GRIA3: variants seen among roughly 807,000 people sequenced by gnomAD.
The protein encoded by GRIA3 is glutamate ionotropic receptor AMPA type subunit 3, also known as glutamate receptor 3.
A neutral mutation model predicts 63.0 loss-of-function variants in GRIA3; 3 were observed. The observed-to-expected ratio is 0.05, with a 90% confidence interval of 0.02 to 0.12. The LOEUF is 0.12. Among genes scored for constraint, GRIA3 ranks in the 10% least tolerant of loss-of-function variants. The pLI is 1.00. For missense variants in GRIA3, 347 were observed against 700.9 expected (o/e 0.50, Z 5.70); for synonymous variants, 274 against 257.9 (o/e 1.06, Z -0.60).
At chrX:123,375,130 G>T (rs1356782926) in intron 5 of GRIA3, among the ~76,000 whole-genome samples, 1 of 111,198 alleles carries the variant, frequency 9.0e-6, no homozygotes, top group Non-Finnish European at 1.9e-5. Context: ...AGTTTTTTTA[G>T]GGTCTTTATC....
intron 4 of GRIA3, among the ~76,000 whole-genome samples, chrX:123,346,212 A>G (rs895347973): frequency 1.8e-5 from 2 of 111,834 alleles, no homozygotes; most frequent in Admixed American, 9.5e-5. Flanking sequence ...CAGATAGAAA[A>G]CTGAGGTTGA....
chrX:123,247,098 C>T (rs1340688787), intron 2 of GRIA3, among the ~76,000 whole-genome samples: 4 of 111,718 alleles, frequency 3.6e-5, no homozygotes, highest in African/African-American at 6.5e-5. Flanking sequence ...CCTGGAGAAC[C>T]TTGTTGTGAT....
chrX:123,325,506 T>C (rs1174149637), intron 3 of GRIA3, among the ~76,000 whole-genome samples: 1 of 112,062 alleles, frequency 8.9e-6, no homozygotes, highest in Non-Finnish European at 1.9e-5. Context: ...ATCTTTGTTA[T>C]AGATTGTCTT....
chrX:123,352,166 C>T (rs1242905738), intron 4 of GRIA3, among the ~76,000 whole-genome samples: 3 of 110,837 alleles, frequency 2.7e-5, no homozygotes, highest in Non-Finnish European at 3.8e-5. Context: ...CTGCAACCTC[C>T]GCCTCCCGGG....
At chrX:123,473,387 T>C (rs752290882) in intron 13 of GRIA3, among the ~76,000 whole-genome samples, 34 of 112,176 alleles carry the variant, frequency 3.0e-4, no homozygotes, top group African/African-American at 1.1e-3. Flanking sequence ...AATTCTTTAA[T>C]ACAGCAAATA....
chrX:123,463,786 AAG>A (rs1428430276), intron 12 of GRIA3, among the ~76,000 whole-genome samples: 6 of 100,706 alleles, frequency 6.0e-5, no homozygotes, highest in African/African-American at 2.3e-4. Flanking sequence ...AAGAAAAAGA[AAG>A]AGAAAGAAAG....
chrX:123,457,292 C>T (rs1489947465), intron 12 of GRIA3, among the ~76,000 whole-genome samples: 2 of 111,231 alleles, frequency 1.8e-5, no homozygotes, highest in Admixed American at 9.6e-5. Flanking sequence ...TAGTGAACAC[C>T]TCTATGAGGA....
intron 5 of GRIA3, among the ~76,000 whole-genome samples, chrX:123,377,096 G>A (rs1052578413): frequency 2.7e-5 from 3 of 109,609 alleles, no homozygotes; most frequent in Admixed American, 9.8e-5. Context: ...CACCATGCCC[G>A]GCTAATTTTT....
chrX:123,434,692 C>T (rs1201222057), intron 12 of GRIA3, among the ~76,000 whole-genome samples: 1 of 111,222 alleles, frequency 9.0e-6, no homozygotes, highest in African/African-American at 3.3e-5. Flanking sequence ...CCAAAAAGGC[C>T]TCTGGAAAAG....
At chrX:123,368,808 G>A (rs1187943522) in intron 5 of GRIA3, among the ~76,000 whole-genome samples, 1 of 109,505 alleles carries the variant, frequency 9.1e-6, no homozygotes, top group Non-Finnish European at 1.9e-5. Flanking sequence ...TTGGCCAAGA[G>A]CTAGGAAACT....
At chrX:123,228,464 G>T (rs890363378) in intron 2 of GRIA3, among the ~76,000 whole-genome samples, 6 of 111,529 alleles carry the variant, frequency 5.4e-5, no homozygotes, top group African/African-American at 2.0e-4. Context: ...TGGGTCCAAT[G>T]ACATGAGACT....
intron 13 of GRIA3, among the ~76,000 whole-genome samples, chrX:123,479,026 C>G (rs146121780): frequency 4.1e-4 from 46 of 112,940 alleles, no homozygotes; most frequent in African/African-American, 1.4e-3. Flanking sequence ...ATCCTAGAAC[C>G]AGTAGGGTTT....
chrX:123,188,811 G>A (rs1022298057), intron 2 of GRIA3, among the ~76,000 whole-genome samples: 1 of 111,840 alleles, frequency 8.9e-6, no homozygotes, highest in African/African-American at 3.3e-5. Flanking sequence ...TAGGGTGTAG[G>A]TGTGCAGGTA....
chrX:123,379,947 T>A (rs1327731413), intron 5 of GRIA3, among the ~76,000 whole-genome samples: 1 of 109,533 alleles, frequency 9.1e-6, no homozygotes, highest in African/African-American at 3.3e-5. Flanking sequence ...TCCAGCTTCA[T>A]CCATGTCCCT....
At chrX:123,465,836 C>T (rs1236872182) in intron 13 of GRIA3, 6 of 848,720 alleles carry the variant, frequency 7.1e-6, no homozygotes, top group African/African-American at 6.0e-5. Context: ...GACGAGTAAT[C>T]GGCAAGACTG....
In GRIA3 at chrX:123,343,593, C is replaced by CAGAG. The variant is rs746329134; in HGVS notation, c.697-11295_697-11292dup. The stretch of plus-strand genomic sequence containing the variant: ...AAAGCAAGAGAGAGAGAGAGAAAGA[C>CAGAG]AGAGAGAGAGAGAGAGAGAGAGAGA... On this transcript the variant is annotated intron_variant, in intron 4 of 15. Coordinates refer to ENST00000620443, the MANE Select transcript of GRIA3 (RefSeq NM_007325.5). 3.3e-3 allele frequency among the ~76,000 whole-genome samples: 341 copies of CAGAG among 102,713 alleles called. 4 individuals carry two copies. The highest frequency in any genetic ancestry group is 0.014 in the East Asian group (48 of 3,317). 89.2% of individuals were successfully genotyped at this position (102,713 alleles called of 115,157 possible).
At chrX:123,208,772 C>T (rs769484175) in intron 2 of GRIA3, among the ~76,000 whole-genome samples, 35 of 112,074 alleles carry the variant, frequency 3.1e-4, no homozygotes, top group Non-Finnish European at 5.8e-4. Flanking sequence ...TTTTATAAAG[C>T]TTGTGTATAT....
Position 123,336,405 on chromosome X carries a change from C to T in GRIA3, c.696+10192C>T, listed in dbSNP as rs1451393838. On this transcript the variant is annotated intron_variant, in intron 4 of 15. Transcript: ENST00000620443. ...ACCTGGCTCGTCCAGTCAAATTAAG[C>T]TCATCCTTTCAGGGACAGCTTTACT... Among the ~76,000 whole-genome samples the T allele has an allele frequency of 4.5e-5, 5 of 111,391 alleles. No individual in the cohort carries two copies. In the Admixed American group the frequency reaches 4.8e-4, roughly 11 times the overall value.
At chrX:123,195,089 A>T (rs1292763605) in intron 2 of GRIA3, among the ~76,000 whole-genome samples, 1 of 113,363 alleles carries the variant, frequency 8.8e-6, no homozygotes, top group Non-Finnish European at 1.9e-5. Context: ...CATGCTCTGA[A>T]CTAGACGTCA....
Sources: allele counts gnomAD v4.1 joint callset (sites outside exome capture counted in the v4.1 genomes callset), GRCh38; gene constraint gnomAD v4.1.1; transcripts MANE v1.5; gene names NCBI Gene and HGNC (gene_info 2026-07-23, HGNC 2026-07-21).